Variants in COL5A2 observed in about 807,000 individuals in gnomAD.
COL5A2 encodes the protein collagen type V alpha 2 chain.
A neutral mutation model predicts 208.2 loss-of-function variants in COL5A2; 23 were observed. The observed-to-expected ratio is 0.11, with a 90% confidence interval of 0.08 to 0.16. COL5A2 has a LOEUF of 0.16. COL5A2 is among the 10% of genes least tolerant of loss of function. The pLI, the probability that COL5A2 is intolerant of heterozygous loss-of-function variation, is 1.00. For synonymous variants in COL5A2, 625 were observed against 628.5 expected (o/e 0.99, Z 0.08); for missense variants, 1,590 against 1,956.4 (o/e 0.81, Z 3.53).
At position 189,099,991 on chromosome 2, in the gene COL5A2, G is replaced by C. The variant is rs992378016; in HGVS notation, c.369+116C>G. The stretch of plus-strand genomic sequence containing the variant: ...TTTGCTTGTGTTATACTAAAAACTT[G>C]TTTTTAAAATAACTAATTTATTTTT... On this transcript the variant is annotated intron_variant, in intron 4 of 53. Transcript: ENST00000374866. 1.6e-5 allele frequency: 14 copies of C among 888,446 alleles called. No individual in the cohort carries two copies. The African/African-American group carries it at 2.2e-4, about 14-fold the overall frequency. The allele number at this position is 888,446 out of a possible 1,614,324, so 55.0% of individuals were successfully genotyped here. A position where few individuals can be genotyped will look rare whatever the true frequency, so the allele number is the denominator to read the frequency against.
At position 189,114,683 on chromosome 2, in the gene COL5A2, C is replaced by G. The variant is rs1042788871; in HGVS notation, c.98-4234G>C. 3.4e-5 allele frequency among the ~76,000 whole-genome samples: 5 copies of G among 146,884 alleles called. No homozygotes were observed. In the South Asian group the frequency reaches 6.5e-4, roughly 19 times the overall value. On this transcript the variant is annotated intron_variant, in intron 1 of 53. Transcript: ENST00000374866. ...AAAATACCTGGATATTGGGGCCGGT[C>G]AGGGAGTAGGGTGGGGTTGCGGGAG... is the stretch of plus-strand genomic sequence containing the variant.
chr2:189,104,435 C>G (rs1687111222), intron 2 of COL5A2, among the ~76,000 whole-genome samples, 158 bp from the exon 3 acceptor site: 1 of 151,788 alleles, frequency 6.6e-6, no homozygotes, highest in Non-Finnish European at 1.5e-5. Context: ...GGTTTTGGAT[C>G]AATACTTCCA....
the COL5A2 span, among the ~76,000 whole-genome samples, chr2:189,414,753 CAAA>C: frequency 2.3e-3 from 164 of 70,290 alleles, no homozygotes; most frequent in African/African-American, 8.8e-3. Flanking sequence ...GACTCTGTCT[CAAA>C]AAAAAAAAAA....
the COL5A2 span, among the ~76,000 whole-genome samples, chr2:189,318,174 A>G: frequency 6.6e-6 from 1 of 152,212 alleles, no homozygotes; most frequent in Non-Finnish European, 1.5e-5. Context: ...GGTCCCACTC[A>G]GGGCTGACTT....
Position 189,064,620 on chromosome 2 carries a change from T to C in COL5A2, c.1653A>G (p.Ser551=), listed in dbSNP as rs1686106539. ...AQGERGPVGS[S]GPKGSQGDPG... ...GATCCCCCTGGCTTCCTTTGGGTCC[T>C]GAAGAACCTACAGGACCCCGTTCTC... is the stretch of plus-strand genomic sequence containing the variant. Residue 551 remains serine (S), a synonymous_variant, in exon 25 of 54, where the codon TCA becomes TCG. Transcript: ENST00000374866. The C allele has an allele frequency of 5.0e-6, 8 of 1,613,808 alleles. No homozygotes were observed. The highest frequency in any genetic ancestry group is 1.3e-5 in the African/African-American group (1 of 74,864).
At chr2:189,147,085 T>C (rs2105781605) in intron 1 of COL5A2, among the ~76,000 whole-genome samples, 1 of 152,308 alleles carries the variant, frequency 6.6e-6, no homozygotes, top group South Asian at 2.1e-4. Flanking sequence ...ATTGTATTAT[T>C]GGGGTAATAC....
the COL5A2 span, among the ~76,000 whole-genome samples, chr2:189,294,322 C>G: frequency 6.6e-6 from 1 of 152,116 alleles, no homozygotes; most frequent in East Asian, 1.9e-4. Context: ...GTTTTGAAAA[C>G]TGTATTTATA....
chr2:189,326,705 A>G, the COL5A2 span, among the ~76,000 whole-genome samples: 85,415 of 150,960 alleles, frequency 0.57, 25,988 homozygotes, highest in East Asian at 0.71. Context: ...AAATTATTAT[A>G]CCTTTTCTGG....
At chr2:189,430,176 G>C in the COL5A2 span, among the ~76,000 whole-genome samples, 2 of 152,104 alleles carry the variant, frequency 1.3e-5, no homozygotes, top group African/African-American at 4.8e-5. Flanking sequence ...GGAATATCTT[G>C]ATTATCCATA....
chr2:189,147,305 A>C (rs1181794107), intron 1 of COL5A2, among the ~76,000 whole-genome samples: 1 of 152,186 alleles, frequency 6.6e-6, no homozygotes, highest in African/African-American at 2.4e-5. Context: ...ACAGTAAGCC[A>C]AGACATATGA....
intron 1 of COL5A2, among the ~76,000 whole-genome samples, chr2:189,150,821 G>A (rs975911083): frequency 6.6e-6 from 1 of 152,020 alleles, no homozygotes; most frequent in African/African-American, 2.4e-5. Context: ...CAATTTCTTA[G>A]GAATTTCTTC....
intron 1 of COL5A2, among the ~76,000 whole-genome samples, chr2:189,138,176 A>G (rs1458946952): frequency 6.6e-6 from 1 of 151,996 alleles, no homozygotes; most frequent in Non-Finnish European, 1.5e-5. Context: ...GGGTTGCACC[A>G]TGTTGGCCAG....
At chr2:189,170,777 A>G (rs1010796014) in intron 1 of COL5A2, among the ~76,000 whole-genome samples, 3 of 152,156 alleles carry the variant, frequency 2.0e-5, no homozygotes, top group Non-Finnish European at 4.4e-5. Flanking sequence ...AAGTAAGGTC[A>G]GTATAATGTG....
the COL5A2 span, among the ~76,000 whole-genome samples, chr2:189,434,513 A>T: frequency 6.6e-6 from 1 of 152,210 alleles, no homozygotes; most frequent in Admixed American, 6.5e-5. Flanking sequence ...TGCAAAAATC[A>T]TGAGCATTCT....
intron 2 of COL5A2, among the ~76,000 whole-genome samples, chr2:189,109,625 T>C (rs915054790): frequency 3.3e-5 from 5 of 152,190 alleles, no homozygotes; most frequent in African/African-American, 1.2e-4. Context: ...TATGTACTCA[T>C]ACTGAAATAC....
chr2:189,212,166 T>C (rs776577842), intron 1 of COL5A2, among the ~76,000 whole-genome samples: 1 of 152,182 alleles, frequency 6.6e-6, no homozygotes, highest in Non-Finnish European at 1.5e-5. Flanking sequence ...GTATTTTACC[T>C]CTACATAGAC....
At chr2:189,115,281 A>G (rs1408769255) in intron 1 of COL5A2, among the ~76,000 whole-genome samples, 1 of 152,164 alleles carries the variant, frequency 6.6e-6, no homozygotes, top group Non-Finnish European at 1.5e-5. Context: ...GTTCTTAATC[A>G]CTAGATGGCA....
chr2:189,239,427 A>G, the COL5A2 span, among the ~76,000 whole-genome samples: 1 of 151,852 alleles, frequency 6.6e-6, no homozygotes, highest in African/African-American at 2.4e-5. Flanking sequence ...GGGCAGAGGG[A>G]GGCAGGAGGA....
rs1443472888 is a variant in COL5A2, at chr2:189,053,042, C to T, written c.2554-24G>A. ...CCCTATAAAAAATTATACAAACAAGCAATTGATTATAAGACTTATAGACAA... is the reference window on the plus strand; with the variant it reads ...CCCTATAAAAAATTATACAAACAAGTAATTGATTATAAGACTTATAGACAA... On this transcript the variant is annotated intron_variant, in intron 38 of 53. Transcript: ENST00000374866. 2.6e-6 allele frequency: 4 copies of T among 1,557,714 alleles called. 1 individual carries two copies. In the South Asian group the frequency reaches 4.5e-5, roughly 17 times the overall value.
Sources: allele counts gnomAD v4.1 joint callset (sites outside exome capture counted in the v4.1 genomes callset), GRCh38; gene constraint gnomAD v4.1.1; transcripts MANE v1.5; gene names NCBI Gene and HGNC (gene_info 2026-07-23, HGNC 2026-07-21).